The following ZBTB7C variants were observed in gnomAD, a reference collection of about 807,000 sequenced individuals.
ZBTB7C encodes the protein zinc finger and BTB domain-containing protein 7C.
In ZBTB7C, 8 loss-of-function variants were observed where a neutral mutation model predicts 25.7. That is an observed-to-expected ratio of 0.31 (90% CI 0.18 to 0.56). The LOEUF (loss-of-function observed/expected upper bound fraction) is 0.56. ZBTB7C is among the 20% of genes least tolerant of loss of function. The pLI is 0.91. For missense variants in ZBTB7C, 824 were observed against 855.2 expected (o/e 0.96, Z 0.46); for synonymous variants, 394 against 369.0 (o/e 1.07, Z -0.78).
intron 3 of ZBTB7C, among the ~76,000 whole-genome samples, chr18:48,144,750 T>G (rs2040449777): frequency 2.0e-5 from 3 of 152,184 alleles, no homozygotes; most frequent in Non-Finnish European, 4.4e-5. Flanking sequence ...TTGAAGCCTT[T>G]GTCTTCACTC....
intron 2 of ZBTB7C, among the ~76,000 whole-genome samples, chr18:48,318,502 C>T (rs953084208): frequency 2.0e-5 from 3 of 152,158 alleles, no homozygotes; most frequent in African/African-American, 7.2e-5. Context: ...TCAGTGCTGG[C>T]ATGGCGACAG....
intron 1 of ZBTB7C, among the ~76,000 whole-genome samples, chr18:48,394,645 G>T (rs983388109): frequency 2.0e-5 from 3 of 152,140 alleles, no homozygotes; most frequent in African/African-American, 4.8e-5. Context: ...GTAACGTCAG[G>T]GGTTTGTGTG....
At chr18:48,274,203 C>A (rs1206952156) in intron 2 of ZBTB7C, among the ~76,000 whole-genome samples, 1 of 152,198 alleles carries the variant, frequency 6.6e-6, no homozygotes, top group African/African-American at 2.4e-5. Flanking sequence ...TTCTGCTACT[C>A]CAGACTACCT....
At chr18:48,387,878 G>A (rs2047787383) in intron 1 of ZBTB7C, among the ~76,000 whole-genome samples, 1 of 152,256 alleles carries the variant, frequency 6.6e-6, no homozygotes, top group South Asian at 2.1e-4. Flanking sequence ...GGGTCTTGCA[G>A]TGCAGTGGTG....
chr18:48,376,137 T>A (rs1369237018), intron 1 of ZBTB7C, among the ~76,000 whole-genome samples: 6 of 152,258 alleles, frequency 3.9e-5, no homozygotes, highest in African/African-American at 1.4e-4. Flanking sequence ...ACTTTGAATC[T>A]AAGAACTGTT....
chr18:48,273,441 T>C (rs763268114), intron 2 of ZBTB7C, among the ~76,000 whole-genome samples: 1 of 151,962 alleles, frequency 6.6e-6, no homozygotes, highest in Non-Finnish European at 1.5e-5. Flanking sequence ...TATAAATCAG[T>C]AGGAAAAGAG....
chr18:48,181,635 C>T (rs1196964350), intron 3 of ZBTB7C, among the ~76,000 whole-genome samples: 1 of 152,202 alleles, frequency 6.6e-6, no homozygotes, highest in Non-Finnish European at 1.5e-5. Context: ...AATATATCAG[C>T]TTGCTGCCCT....
At chr18:48,124,150 T>C (rs2039722354) in intron 3 of ZBTB7C, among the ~76,000 whole-genome samples, 1 of 152,194 alleles carries the variant, frequency 6.6e-6, no homozygotes, top group African/African-American at 2.4e-5. Flanking sequence ...ATCAGTTACT[T>C]TGGGGCATGG....
At chr18:48,388,360 A>T (rs1433350907) in intron 1 of ZBTB7C, among the ~76,000 whole-genome samples, 1 of 151,978 alleles carries the variant, frequency 6.6e-6, no homozygotes, top group African/African-American at 2.4e-5. Context: ...TCTTCTCCCT[A>T]GCGAGGAATG....
intron 2 of ZBTB7C, among the ~76,000 whole-genome samples, chr18:48,200,234 A>AC (rs1443752593): frequency 6.6e-6 from 1 of 152,020 alleles, no homozygotes; most frequent in Non-Finnish European, 1.5e-5. Flanking sequence ...AGGCACGGTG[A>AC]CCCCAAATCA....
intron 3 of ZBTB7C, among the ~76,000 whole-genome samples, chr18:48,125,765 T>C (rs1238498819): frequency 3.9e-5 from 6 of 152,174 alleles, no homozygotes; most frequent in African/African-American, 1.4e-4. Flanking sequence ...GTAGACAAGG[T>C]GATCCAGGGC....
Position 48,214,613 on chromosome 18 carries a change from A to G in ZBTB7C, c.-78-28618T>C, listed in dbSNP as rs146588021. On this transcript the variant is annotated intron_variant, in intron 2 of 4. Coordinates refer to ENST00000590800, the MANE Select transcript of ZBTB7C (RefSeq NM_001318841.2). ...CAGCATGCTAAAGGAAACTCCCACC[A>G]CTGCCATGACAGTAGCAACCCTTTT... 2.0e-5 allele frequency among the ~76,000 whole-genome samples: 3 copies of G among 152,310 alleles called. No homozygotes were observed. The South Asian group carries it at 6.2e-4, about 32-fold the overall frequency.
chr18:48,227,296 G>T (rs2043129122), intron 2 of ZBTB7C, among the ~76,000 whole-genome samples: 1 of 152,336 alleles, frequency 6.6e-6, no homozygotes, highest in Non-Finnish European at 1.5e-5. Flanking sequence ...ATTCACATGT[G>T]TACGGCCTGG....
intron 1 of ZBTB7C, among the ~76,000 whole-genome samples, chr18:48,377,906 T>C (rs1237786874): frequency 6.6e-6 from 1 of 152,156 alleles, no homozygotes; most frequent in Non-Finnish European, 1.5e-5. Context: ...GCACGGTGGC[T>C]CACGCCTGTA....
chr18:48,038,968 G>A (rs897637998), intron 4 of ZBTB7C, among the ~76,000 whole-genome samples: 6 of 152,166 alleles, frequency 3.9e-5, no homozygotes, highest in South Asian at 4.1e-4. Flanking sequence ...CCAATGGGCC[G>A]TATTTTCCAA....
intron 1 of ZBTB7C, among the ~76,000 whole-genome samples, chr18:48,407,962 G>A (rs569395254): frequency 6.6e-6 from 1 of 152,262 alleles, no homozygotes; most frequent in African/African-American, 2.4e-5. Context: ...ATGAAGAACA[G>A]GGCCAAGCCA....
intron 3 of ZBTB7C, among the ~76,000 whole-genome samples, chr18:48,107,154 G>A (rs2039061365): frequency 6.6e-6 from 1 of 151,220 alleles, no homozygotes; most frequent in South Asian, 2.1e-4. Context: ...AGGGGCATTG[G>A]AGAGAAGGGC....
At chr18:48,284,495 GT>G (rs760698417) in intron 2 of ZBTB7C, among the ~76,000 whole-genome samples, 27 of 151,856 alleles carry the variant, frequency 1.8e-4, no homozygotes, top group Non-Finnish European at 3.8e-4. Context: ...CTCAAGTTCT[GT>G]TAAGAAACAT....
intron 2 of ZBTB7C, among the ~76,000 whole-genome samples, chr18:48,243,071 T>C (rs1271464840): frequency 1.3e-5 from 2 of 151,916 alleles, no homozygotes; most frequent in Non-Finnish European, 2.9e-5. Flanking sequence ...AAGACCAGCC[T>C]GGAGAACACA....
Sources: gnomAD v4.1 joint callset for allele counts (sites outside exome capture counted in the v4.1 genomes callset) on GRCh38, gnomAD v4.1.1 for gene constraint, MANE v1.5 for transcripts, NCBI Gene and HGNC (gene_info 2026-07-23, HGNC 2026-07-21) for gene names.